The following TMEM132B variants were observed in gnomAD, a reference collection of about 807,000 sequenced individuals.
TMEM132B encodes transmembrane protein 132B.
In TMEM132B, 18 loss-of-function variants were observed where a neutral mutation model predicts 90.8. The ratio of observed to expected loss-of-function variants is 0.20; its 90% confidence interval spans 0.14 to 0.29. The LOEUF is 0.29. Ranked by LOEUF, TMEM132B falls within the 10% of genes least tolerant of loss-of-function variation. The pLI is 1.00. For synonymous variants in TMEM132B, 504 were observed against 523.3 expected (o/e 0.96, Z 0.50); for missense variants, 1,096 against 1,326.8 (o/e 0.83, Z 2.70).
chr12:125,430,266 C>T (rs74620069), intron 3 of TMEM132B, among the ~76,000 whole-genome samples: 4,904 of 152,274 alleles, frequency 0.032, 280 homozygotes, highest in African/African-American at 0.11. Context: ...GTCGGGTGAG[C>T]GCACTGGCCG....
rs564656164 is a variant in TMEM132B, at chr12:125,321,611, G to A, written c.68-27841G>A. ...CTCTGCCTCAGCCTCCCAAGTAGCTGGGATTCCAGTGTGCACCACCATGCC... is the reference window on the plus strand; with the variant it reads ...CTCTGCCTCAGCCTCCCAAGTAGCTAGGATTCCAGTGTGCACCACCATGCC... On this transcript the variant is annotated intron_variant, in intron 1 of 8. Transcript: ENST00000682704. 1.6e-3 allele frequency among the ~76,000 whole-genome samples: 245 copies of A among 152,004 alleles called. 1 individual carries two copies. Among genetic ancestry groups the A allele is most frequent in the Non-Finnish European group, 2.9e-3 (197 of 67,986 alleles).
At chr12:125,419,389 G>T (rs1288298511) in intron 3 of TMEM132B, among the ~76,000 whole-genome samples, 1 of 152,188 alleles carries the variant, frequency 6.6e-6, no homozygotes, top group Non-Finnish European at 1.5e-5. Context: ...ATGGCTGAAG[G>T]CGAATAAGGA....
intron 5 of TMEM132B, among the ~76,000 whole-genome samples, chr12:125,613,939 C>T (rs1885923938): frequency 6.6e-6 from 1 of 151,968 alleles, no homozygotes; most frequent in African/African-American, 2.4e-5. Context: ...CAGTTTTGCT[C>T]CCACCTACAT....
intron 3 of TMEM132B, among the ~76,000 whole-genome samples, chr12:125,442,967 G>A (rs1204035943): frequency 6.6e-6 from 1 of 152,200 alleles, no homozygotes; most frequent in Admixed American, 6.5e-5. Flanking sequence ...TGGGCTAAAC[G>A]ATGGATGTGG....
At chr12:125,526,861 A>G (rs78650676) in intron 4 of TMEM132B, among the ~76,000 whole-genome samples, 8,143 of 152,040 alleles carry the variant, frequency 0.054, 642 homozygotes, top group African/African-American at 0.17. Flanking sequence ...TCATCCAGCC[A>G]TCCACCCATC....
chr12:125,519,207 C>T (rs1400272392), intron 3 of TMEM132B, among the ~76,000 whole-genome samples: 2 of 152,194 alleles, frequency 1.3e-5, no homozygotes, highest in African/African-American at 2.4e-5. Context: ...CAGTGAAAGA[C>T]AGCCTGCTTT....
At chr12:125,228,324 G>A (rs1873728605) in intron 1 of TMEM132B, among the ~76,000 whole-genome samples, 1 of 152,190 alleles carries the variant, frequency 6.6e-6, no homozygotes, top group African/African-American at 2.4e-5. Context: ...CCACGTGTGT[G>A]TGAACAATTG....
intron 5 of TMEM132B, chr12:125,622,342 T>A (rs1452210375): frequency 1.9e-5 from 6 of 314,690 alleles, no homozygotes; most frequent in Non-Finnish European, 2.8e-5. Context: ...TTATCTTAAT[T>A]TATTGCTAAT....
chr12:125,266,290 C>T (rs541161090), intron 1 of TMEM132B, among the ~76,000 whole-genome samples: 56 of 152,290 alleles, frequency 3.7e-4, no homozygotes, highest in Middle Eastern at 6.8e-3. Flanking sequence ...AAAGACTAAA[C>T]GGCCAGTACA....
In TMEM132B at chr12:125,650,906, G is replaced by A. The variant is rs778222027; in HGVS notation, c.1867G>A (p.Asp623Asn). The A allele has an allele frequency of 1.9e-6, 3 of 1,613,488 alleles. No homozygotes were observed. The highest frequency in any genetic ancestry group is 2.5e-6 in the Non-Finnish European group (3 of 1,180,014). ...GGAGCCGAAAATCGCTCAGTTACAG[G>A]ACGGCAGGACCCTGGCTGGTCGGGA... ...VEEPKIAQLQ[D>N]GRTLAGREPG... Residue 623 changes from aspartate to asparagine, a missense_variant, in exon 7 of 9, where the codon GAC becomes AAC. Coordinates refer to ENST00000682704, the MANE Select transcript of TMEM132B (RefSeq NM_001366854.1).
At chr12:125,585,168 G>T (rs969650873) in intron 5 of TMEM132B, 2 of 152,176 alleles carry the variant, frequency 1.3e-5, no homozygotes, top group Non-Finnish European at 2.9e-5. Context: ...AATTAACAAA[G>T]AAATTAATTC....
intron 1 of TMEM132B, among the ~76,000 whole-genome samples, chr12:125,337,104 C>G (rs1204838675): frequency 6.6e-6 from 1 of 152,196 alleles, no homozygotes; most frequent in Non-Finnish European, 1.5e-5. Context: ...GTTGGCTGAA[C>G]AGCTCTTCAC....
At chr12:125,231,940 C>G (rs781700276) in intron 1 of TMEM132B, among the ~76,000 whole-genome samples, 3 of 151,792 alleles carry the variant, frequency 2.0e-5, no homozygotes, top group Non-Finnish European at 4.4e-5. Flanking sequence ...CTCCATAATT[C>G]TAGAAAAATA....
chr12:125,627,413 G>A (rs1205518512), intron 5 of TMEM132B, among the ~76,000 whole-genome samples: 1 of 152,036 alleles, frequency 6.6e-6, no homozygotes, highest in Non-Finnish European at 1.5e-5. Context: ...AGAAGATACT[G>A]AGATGAATCC....
intron 3 of TMEM132B, among the ~76,000 whole-genome samples, chr12:125,422,264 A>G (rs191113934): frequency 1.3e-5 from 2 of 152,362 alleles, no homozygotes; most frequent in Non-Finnish European, 2.9e-5. Context: ...CAGTTAAATG[A>G]TTTCCTGAGG....
chr12:125,234,467 A>T (rs1873888137), intron 1 of TMEM132B, among the ~76,000 whole-genome samples: 1 of 152,256 alleles, frequency 6.6e-6, no homozygotes, highest in Admixed American at 6.5e-5. Context: ...GGGGTCCTGC[A>T]CTGGCCACAT....
At chr12:125,547,787 T>G (rs1253834592) in intron 4 of TMEM132B, among the ~76,000 whole-genome samples, 1 of 152,096 alleles carries the variant, frequency 6.6e-6, no homozygotes, top group Non-Finnish European at 1.5e-5. Flanking sequence ...AGGCCAGTGG[T>G]CCCTGGCTCC....
intron 4 of TMEM132B, among the ~76,000 whole-genome samples, chr12:125,580,948 A>G (rs942692196): frequency 1.1e-4 from 17 of 152,204 alleles, no homozygotes; most frequent in Admixed American, 5.2e-4. Flanking sequence ...AATATTTACC[A>G]TGCTAAATTG....
At chr12:125,484,716 G>C (rs543436391) in intron 3 of TMEM132B, among the ~76,000 whole-genome samples, 9 of 152,078 alleles carry the variant, frequency 5.9e-5, no homozygotes, top group African/African-American at 2.2e-4. Flanking sequence ...CTGCAGCCTT[G>C]ATCTCCCAGG....
Sources: allele counts gnomAD v4.1 joint callset (sites outside exome capture counted in the v4.1 genomes callset), GRCh38; gene constraint gnomAD v4.1.1; transcripts MANE v1.5; gene names NCBI Gene and HGNC (gene_info 2026-07-23, HGNC 2026-07-21).